The following PDE8A variants were observed in gnomAD, a reference collection of about 807,000 sequenced individuals.
PDE8A encodes phosphodiesterase 8A.
In PDE8A, 59 loss-of-function variants were observed where a neutral mutation model predicts 105.0. That is an observed-to-expected ratio of 0.56 (90% CI 0.46 to 0.70). The LOEUF (loss-of-function observed/expected upper bound fraction) is 0.70. Among genes scored for constraint, PDE8A ranks in the 30% least tolerant of loss-of-function variants. PDE8A has a pLI of 0.00. For missense variants in PDE8A, 1,014 were observed against 1,045.9 expected (o/e 0.97, Z 0.42); for synonymous variants, 355 against 371.9 (o/e 0.95, Z 0.52).
chr15:85,115,449 G>T lies in PDE8A; in HGVS notation c.1361G>T (p.Arg454Leu). 6.5e-7 allele frequency: 1 copy of T among 1,539,776 alleles called. No homozygotes were observed. The highest frequency in any genetic ancestry group is 8.7e-7 in the Non-Finnish European group (1 of 1,143,268). ...LVGGLMSDGL[R>L]RLSGNEYVLS... ...CTTGATTTTTATCAGGATGGTTTGC[G>T]AAGACTATCAGGGAATGAATATGTT... The change falls in exon 15 of 22, where the codon CGA becomes CTA. Residue 454 changes from arginine (R) to leucine (L), a missense_variant. Arg to Leu is a moderately radical substitution (Grantham distance 102, BLOSUM62 -2). Transcript: ENST00000394553.
chr15:85,119,593 A>G (rs911093278), intron 17 of PDE8A, among the ~76,000 whole-genome samples: 5 of 151,974 alleles, frequency 3.3e-5, no homozygotes, highest in South Asian at 2.1e-4. Context: ...TTTATTAGCT[A>G]TACATCTCAA....
At chr15:85,033,325 C>T (rs1305598754) in intron 1 of PDE8A, among the ~76,000 whole-genome samples, 1 of 152,112 alleles carries the variant, frequency 6.6e-6, no homozygotes, top group African/African-American at 2.4e-5. Flanking sequence ...GCAGAAGAGG[C>T]TGGATTGAAT....
rs577365088 is a variant in PDE8A at position 85,074,005 on chromosome 15, C to T, written c.435-1857C>T. ...GCCATGCAGCACCCTTAGGTTGGCTCCCTCTGGAGAGGATAGGCAGGTGGA... is the reference window on the plus strand; with the variant it reads ...GCCATGCAGCACCCTTAGGTTGGCTTCCTCTGGAGAGGATAGGCAGGTGGA... On this transcript the variant is annotated intron_variant, in intron 3 of 21. Transcript: ENST00000394553. 5.9e-5 allele frequency among the ~76,000 whole-genome samples: 9 copies of T among 152,274 alleles called. No homozygotes were observed. The South Asian group carries it at 1.7e-3, about 28-fold the overall frequency.
At chr15:85,044,653 C>T (rs1373913206) in intron 1 of PDE8A, among the ~76,000 whole-genome samples, 2 of 152,214 alleles carry the variant, frequency 1.3e-5, no homozygotes, top group Non-Finnish European at 2.9e-5. Flanking sequence ...ATCACTCTCT[C>T]CAAAACACAT....
rs1016642619 is a variant in PDE8A at position 84,982,046 on chromosome 15, C to T, written c.-117C>T. 2.4e-5 allele frequency: 12 copies of T among 508,790 alleles called. No individual in the cohort carries two copies. The highest frequency in any genetic ancestry group is 3.5e-5 in the Non-Finnish European group (12 of 346,264). 31.5% of individuals were successfully genotyped at this position (508,790 alleles called of 1,614,324 possible). ...TTCCTGACGCGAGATCCGCGCTCGC[C>T]GCCGCCCGCCCAGGCGGCGATGACA... On this transcript the variant is annotated 5_prime_UTR_variant, in exon 1 of 22. Coordinates refer to ENST00000394553, the MANE Select transcript of PDE8A (RefSeq NM_002605.3).
intron 16 of PDE8A, among the ~76,000 whole-genome samples, chr15:85,117,254 C>T (rs1451232653): frequency 6.6e-6 from 1 of 152,208 alleles, no homozygotes; most frequent in Non-Finnish European, 1.5e-5. Context: ...ATGGGTCCAG[C>T]AAGTCCAAAG....
At chr15:84,990,535 T>C (rs1283829813) in intron 1 of PDE8A, among the ~76,000 whole-genome samples, 2 of 152,266 alleles carry the variant, frequency 1.3e-5, no homozygotes, top group African/African-American at 4.8e-5. Context: ...GTTTTTGAGA[T>C]TCTTCTATGC....
intron 20 of PDE8A, among the ~76,000 whole-genome samples, chr15:85,126,737 C>T (rs536834342): frequency 1.5e-4 from 23 of 152,094 alleles, no homozygotes; most frequent in African/African-American, 5.5e-4. Context: ...TGGTGGAGGG[C>T]ATATGCACAT....
At chr15:84,988,028 A>G (rs2079831426) in intron 1 of PDE8A, among the ~76,000 whole-genome samples, 1 of 152,174 alleles carries the variant, frequency 6.6e-6, no homozygotes, top group Admixed American at 6.5e-5. Context: ...ATTCATATTA[A>G]TAATAGCCAC....
At chr15:85,131,126 A>T (rs979928052) in intron 20 of PDE8A, among the ~76,000 whole-genome samples, 2 of 152,046 alleles carry the variant, frequency 1.3e-5, no homozygotes, top group African/African-American at 4.8e-5. Context: ...CTTGGATATT[A>T]TTTTCATGAG....
At chr15:85,071,166 C>T (rs561334474) in intron 3 of PDE8A, among the ~76,000 whole-genome samples, 1 of 152,188 alleles carries the variant, frequency 6.6e-6, no homozygotes, top group Non-Finnish European at 1.5e-5. Context: ...CTGAACTGTG[C>T]CTCAAGCACT....
intron 2 of PDE8A, 131 bp downstream of exon 2, chr15:85,064,557 G>A (rs2081192067): frequency 1.6e-6 from 1 of 637,678 alleles, no homozygotes; most frequent in Non-Finnish European, 2.8e-6. Context: ...TAAATTCCCT[G>A]AACTCTGTAA....
intron 18 of PDE8A, 121 bp downstream of exon 18, chr15:85,121,135 C>A: frequency 1.5e-6 from 1 of 648,686 alleles, no homozygotes; most frequent in East Asian, 2.9e-5. Flanking sequence ...ATACAGTGGG[C>A]CGGACATAGT....
rs866217981 is a variant in PDE8A, at chr15:85,039,134, A to G, written c.187-25236A>G. 3.5e-3 allele frequency among the ~76,000 whole-genome samples: 525 copies of G among 152,142 alleles called. 2 individuals carry two copies. Among genetic ancestry groups the G allele is most frequent in the African/African-American group, 0.011 (477 of 41,516 alleles). ...GAAACTCCATCTCAAGAAAAAAAAA[A>G]AAAAGAAAAGAGTGGGTACAGTGGC... On this transcript the variant is annotated intron_variant, in intron 1 of 21. Transcript: ENST00000394553.
At chr15:85,057,630 G>A (rs934863213) in intron 1 of PDE8A, among the ~76,000 whole-genome samples, 5 of 152,246 alleles carry the variant, frequency 3.3e-5, no homozygotes, top group African/African-American at 1.2e-4. Context: ...GCTGGGAGCT[G>A]TAGACTGGAG....
chr15:85,136,822 G>A (rs923288642), intron 21 of PDE8A, among the ~76,000 whole-genome samples, 159 bp downstream of exon 21: 1 of 152,172 alleles, frequency 6.6e-6, no homozygotes, highest in African/African-American at 2.4e-5. Flanking sequence ...AGGGCTAGGT[G>A]TTCTTTCTTA....
At chr15:85,036,092 A>G (rs1383605296) in intron 1 of PDE8A, among the ~76,000 whole-genome samples, 2 of 152,220 alleles carry the variant, frequency 1.3e-5, no homozygotes, top group Non-Finnish European at 2.9e-5. Flanking sequence ...TAAAACAGGA[A>G]TATCACCCTT....
At chr15:85,119,468 C>CAAAAAAAAAAAAAAAAACAAAA in intron 17 of PDE8A, among the ~76,000 whole-genome samples, 1 of 58,572 alleles carries the variant, frequency 1.7e-5, no homozygotes, top group East Asian at 1.2e-3. Context: ...ACTCTCGTCT[C>CAAAAAAAAAAAAAAAAACAAAA]AAAAAAAAAA....
At chr15:85,080,651 G>C (rs536016707) in intron 5 of PDE8A, among the ~76,000 whole-genome samples, 1 of 152,170 alleles carries the variant, frequency 6.6e-6, no homozygotes, top group Admixed American at 6.5e-5. Flanking sequence ...AAGTCTATCA[G>C]CATAGTTCTG....
Sources: gnomAD v4.1 joint callset for allele counts (sites outside exome capture counted in the v4.1 genomes callset) on GRCh38, gnomAD v4.1.1 for gene constraint, MANE v1.5 for transcripts, NCBI Gene and HGNC (gene_info 2026-07-23, HGNC 2026-07-21) for gene names.